ASTN2: variants seen among roughly 807,000 people sequenced by gnomAD.
ASTN2 encodes the protein astrotactin 2.
In ASTN2, 54 loss-of-function variants were observed where a neutral mutation model predicts 139.8. The ratio of observed to expected loss-of-function variants is 0.39; its 90% confidence interval spans 0.31 to 0.48. ASTN2 has a LOEUF of 0.48. ASTN2 is among the 20% of genes least tolerant of loss of function. The pLI is 0.95. For synonymous variants in ASTN2, 756 were observed against 719.5 expected (o/e 1.05, Z -0.81); for missense variants, 1,565 against 1,725.1 (o/e 0.91, Z 1.64).
At chr9:116,674,605 G>C (rs910109857) in intron 16 of ASTN2, among the ~76,000 whole-genome samples, 8 of 152,192 alleles carry the variant, frequency 5.3e-5, no homozygotes, top group African/African-American at 1.7e-4. Flanking sequence ...AAGAGGACTA[G>C]GCTGCCTTCA....
intron 3 of ASTN2, among the ~76,000 whole-genome samples, chr9:117,213,512 G>T (rs1272240869): frequency 6.6e-6 from 1 of 152,056 alleles, no homozygotes; most frequent in African/African-American, 2.4e-5. Flanking sequence ...ACCCTGATCT[G>T]ATCACCATAT....
intron 2 of ASTN2, among the ~76,000 whole-genome samples, chr9:117,250,714 C>T (rs1395982733): frequency 6.6e-6 from 1 of 152,130 alleles, no homozygotes; most frequent in East Asian, 1.9e-4. Flanking sequence ...CCATTGGTCT[C>T]ATAAAGTCCA....
Position 117,155,924 on chromosome 9 carries a change from T to C in ASTN2, c.1016-14446A>G, listed in dbSNP as rs569383828. 3.0e-4 allele frequency among the ~76,000 whole-genome samples: 45 copies of C among 152,142 alleles called. 1 individual carries two copies. The South Asian group carries it at 8.9e-3, about 30-fold the overall frequency. ...AGAACCAAGAAGAGCACAGCTTTAC[T>C]CTTCATTGCTCAGACCATACCTAGG... On this transcript the variant is annotated intron_variant, in intron 3 of 22. Coordinates refer to ENST00000313400, the MANE Select transcript of ASTN2 (RefSeq NM_001365068.1).
intron 2 of ASTN2, among the ~76,000 whole-genome samples, chr9:117,275,589 G>T (rs574746982): frequency 8.1e-6 from 1 of 124,148 alleles, no homozygotes; most frequent in Non-Finnish European, 1.6e-5. Flanking sequence ...TTTTTGAGAC[G>T]GAGTCTTACT....
At chr9:117,266,448 C>T (rs1588146319) in intron 2 of ASTN2, among the ~76,000 whole-genome samples, 1 of 152,256 alleles carries the variant, frequency 6.6e-6, no homozygotes, top group East Asian at 1.9e-4. Context: ...CTGCTCCATG[C>T]TGACCTTTTC....
chr9:117,279,382 G>A (rs1229241074), intron 2 of ASTN2, among the ~76,000 whole-genome samples: 5 of 152,120 alleles, frequency 3.3e-5, no homozygotes, highest in Non-Finnish European at 7.3e-5. Flanking sequence ...TTGTGAAAAC[G>A]GAACAGTAAA....
At chr9:117,215,500 AT>A (rs1372939954) in intron 2 of ASTN2, among the ~76,000 whole-genome samples, 5 of 99,858 alleles carry the variant, frequency 5.0e-5, no homozygotes, top group African/African-American at 7.5e-5. Flanking sequence ...ATATATATAC[AT>A]TTTTTTCTTT....
At chr9:116,527,096 A>T (rs1386961296) in intron 19 of ASTN2, among the ~76,000 whole-genome samples, 1 of 152,188 alleles carries the variant, frequency 6.6e-6, no homozygotes, top group African/African-American at 2.4e-5. Context: ...AACTAGAAGA[A>T]AACAGTGGAA....
chr9:117,115,185 C>T (rs1232491419), intron 4 of ASTN2, among the ~76,000 whole-genome samples: 1 of 152,146 alleles, frequency 6.6e-6, no homozygotes, highest in Non-Finnish European at 1.5e-5. Context: ...CTTGAGCTCT[C>T]TAAACTCTAA....
chr9:116,683,714 G>C (rs1404759755), intron 16 of ASTN2, among the ~76,000 whole-genome samples: 1 of 152,098 alleles, frequency 6.6e-6, no homozygotes, highest in African/African-American at 2.4e-5. Context: ...ATACTTCCAT[G>C]AAAAAAATTT....
intron 6 of ASTN2, among the ~76,000 whole-genome samples, chr9:117,016,654 A>ATG: frequency 1.0e-5 from 1 of 100,076 alleles, no homozygotes; most frequent in South Asian, 3.1e-4. Flanking sequence ...ATATATATAT[A>ATG]TAACCTATAT....
intron 13 of ASTN2, among the ~76,000 whole-genome samples, chr9:116,794,098 T>TG (rs1830626380): frequency 1.5e-5 from 2 of 135,086 alleles, no homozygotes; most frequent in South Asian, 4.5e-4. Context: ...ATAAACACCT[T>TG]TTTTTTTTTT....
At chr9:116,635,021 G>A (rs1383887399) in intron 17 of ASTN2, among the ~76,000 whole-genome samples, 2 of 152,146 alleles carry the variant, frequency 1.3e-5, no homozygotes, top group Non-Finnish European at 2.9e-5. Flanking sequence ...GTGTTCAATC[G>A]TACTAGCTAT....
At chr9:117,330,855 T>G (rs542558779) in intron 1 of ASTN2, among the ~76,000 whole-genome samples, 1 of 152,320 alleles carries the variant, frequency 6.6e-6, no homozygotes, top group Admixed American at 6.5e-5. Flanking sequence ...ATGAAGGGGA[T>G]GTGCCCTTCT....
At chr9:116,471,552 T>C (rs974006341) in intron 20 of ASTN2, among the ~76,000 whole-genome samples, 1 of 151,958 alleles carries the variant, frequency 6.6e-6, no homozygotes, top group African/African-American at 2.4e-5. Context: ...TGTTATTTCA[T>C]TTCTGGCATC....
At chr9:117,085,103 G>C (rs1417010726) in intron 5 of ASTN2, among the ~76,000 whole-genome samples, 1 of 152,158 alleles carries the variant, frequency 6.6e-6, no homozygotes, top group African/African-American at 2.4e-5. Flanking sequence ...GTTGTCTTCT[G>C]TTTCTGAAAA....
intron 1 of ASTN2, among the ~76,000 whole-genome samples, chr9:117,336,466 G>A (rs1204116401): frequency 2.0e-5 from 3 of 152,138 alleles, no homozygotes; most frequent in Non-Finnish European, 4.4e-5. Context: ...CTTCCCTACA[G>A]GGACAAAGAG....
chr9:117,298,905 G>A (rs1015648630), intron 1 of ASTN2, among the ~76,000 whole-genome samples: 3 of 151,998 alleles, frequency 2.0e-5, no homozygotes, highest in Admixed American at 2.0e-4. Context: ...TTTGAAGTCA[G>A]ATGAGTGTTT....
intron 4 of ASTN2, among the ~76,000 whole-genome samples, chr9:117,113,257 A>G (rs7853227): frequency 0.058 from 8,886 of 152,296 alleles, 557 homozygotes; most frequent in East Asian, 0.18. Flanking sequence ...AAAACCATAT[A>G]TGTTCACATA....
Sources: gnomAD v4.1 joint callset for allele counts (sites outside exome capture counted in the v4.1 genomes callset) on GRCh38, gnomAD v4.1.1 for gene constraint, MANE v1.5 for transcripts, NCBI Gene and HGNC (gene_info 2026-07-23, HGNC 2026-07-21) for gene names.